CHLSN: variants seen among roughly 807,000 people sequenced by gnomAD.
CHLSN encodes the protein protein cholesin.
At chr7:1,059,873 G>A in the CHLSN span, among the ~76,000 whole-genome samples, 316 of 69,222 alleles carry the variant, frequency 4.6e-3, 6 homozygotes, top group Middle Eastern at 0.014. Flanking sequence ...GTCTGTAGTG[G>A]GGCGGGTCCG....
the CHLSN span, among the ~76,000 whole-genome samples, chr7:1,073,567 G>C: frequency 6.6e-6 from 1 of 152,020 alleles, no homozygotes; most frequent in African/African-American, 2.4e-5. Flanking sequence ...GCCCATATTT[G>C]GTTCTCATGA....
the CHLSN span, chr7:984,859 C>T: frequency 6.8e-7 from 1 of 1,475,414 alleles, no homozygotes; most frequent in Non-Finnish European, 9.0e-7. Flanking sequence ...AGTCTCGCTG[C>T]CCTGTCAGCC....
At chr7:1,054,424 C>G in the CHLSN span, among the ~76,000 whole-genome samples, 7 of 152,248 alleles carry the variant, frequency 4.6e-5, no homozygotes, top group Admixed American at 1.3e-4. Context: ...AACTTTCCAC[C>G]TGAACCCCAC....
At chr7:1,045,623 C>T in the CHLSN span, 15 of 152,216 alleles carry the variant, frequency 9.9e-5, no homozygotes, top group African/African-American at 3.6e-4. Flanking sequence ...TGAACGGAGG[C>T]ACTGTTAATA....
the CHLSN span, among the ~76,000 whole-genome samples, chr7:996,730 C>T: frequency 5.9e-5 from 9 of 152,258 alleles, no homozygotes; most frequent in African/African-American, 9.6e-5. Context: ...GCAGGGACCA[C>T]GTGCTGCTGG....
the CHLSN span, chr7:1,056,842 G>A: frequency 2.6e-4 from 39 of 147,664 alleles, no homozygotes; most frequent in African/African-American, 9.8e-4. Flanking sequence ...AGGTCCCTGA[G>A]GAATGCCTGT....
the CHLSN span, among the ~76,000 whole-genome samples, chr7:1,098,809 C>G: frequency 1.3e-5 from 2 of 152,070 alleles, no homozygotes; most frequent in Admixed American, 1.3e-4. Context: ...GGCTGGGAAG[C>G]GGCTGCCGGG....
chr7:1,021,523 G>A, the CHLSN span: 3 of 985,296 alleles, frequency 3.0e-6, no homozygotes, highest in Non-Finnish European at 2.4e-6. Flanking sequence ...GGGACCCCAG[G>A]GAGCACTGTC....
chr7:1,049,797 G>A, the CHLSN span, among the ~76,000 whole-genome samples: 6 of 152,316 alleles, frequency 3.9e-5, no homozygotes, highest in African/African-American at 7.2e-5. Flanking sequence ...GACTGTTTTC[G>A]GTCAAATTTT....
the CHLSN span, among the ~76,000 whole-genome samples, chr7:1,070,602 GCA>G: frequency 1.6e-3 from 218 of 138,618 alleles, 1 homozygote; most frequent in African/African-American, 5.9e-3. Flanking sequence ...GCACACACAT[GCA>G]CACATGCATG....
the CHLSN span, among the ~76,000 whole-genome samples, chr7:1,135,910 AAT>A: frequency 5.6e-5 from 5 of 89,834 alleles, no homozygotes; most frequent in South Asian, 5.4e-4. Context: ...TATATATAAA[AAT>A]ATATATAAGT....
the CHLSN span, among the ~76,000 whole-genome samples, chr7:1,071,749 C>T: frequency 1.3e-5 from 2 of 152,216 alleles, no homozygotes; most frequent in South Asian, 2.1e-4. Flanking sequence ...CAAGTGACCA[C>T]ATTCGGTGTC....
the CHLSN span, among the ~76,000 whole-genome samples, chr7:1,003,248 TGTGGGTGAGTGGAGTC>T: frequency 7.2e-5 from 2 of 27,884 alleles, no homozygotes; most frequent in African/African-American, 5.9e-4. Context: ...TGGGGAGTCC[TGTGGGTGAGTGGAGTC>T]CTGCGGGTGA....
the CHLSN span, among the ~76,000 whole-genome samples, chr7:1,020,161 G>A: frequency 1.3e-5 from 2 of 152,238 alleles, no homozygotes; most frequent in African/African-American, 2.4e-5. Context: ...CAGGCCCCGC[G>A]TGCGATGCCC....
At chr7:1,125,429 G>A in the CHLSN span, among the ~76,000 whole-genome samples, 3 of 152,180 alleles carry the variant, frequency 2.0e-5, no homozygotes, top group African/African-American at 4.8e-5. Flanking sequence ...CTAATCAATG[G>A]CAAAGCTTGA....
the CHLSN span, among the ~76,000 whole-genome samples, chr7:1,066,584 T>TCCC: frequency 6.6e-6 from 1 of 152,044 alleles, no homozygotes; most frequent in South Asian, 2.1e-4. Flanking sequence ...GGACGAGGGG[T>TCCC]TCTACCTGCC....
the CHLSN span, among the ~76,000 whole-genome samples, chr7:1,010,715 G>A: frequency 1.3e-5 from 2 of 152,112 alleles, no homozygotes; most frequent in Non-Finnish European, 2.9e-5. Context: ...GCCACATCTT[G>A]CCAGGAAAGC....
the CHLSN span, among the ~76,000 whole-genome samples, chr7:1,031,873 A>G: frequency 7.2e-3 from 1,055 of 146,336 alleles, 28 homozygotes; most frequent in East Asian, 0.087. Flanking sequence ...AGAGTGGTCC[A>G]GGTGCGGGGG....
the CHLSN span, chr7:1,093,148 C>G: frequency 1.6e-6 from 1 of 609,524 alleles, no homozygotes; most frequent in Admixed American, 2.1e-5. Context: ...CCCCGCCAAC[C>G]CTGCCTGCCG....
Sources: gnomAD v4.1 joint callset for allele counts (sites outside exome capture counted in the v4.1 genomes callset) on GRCh38, gnomAD v4.1.1 for gene constraint, MANE v1.5 for transcripts, NCBI Gene and HGNC (gene_info 2026-07-23, HGNC 2026-07-21) for gene names.